Variants in CLSTN2 observed in about 807,000 individuals in gnomAD.
The protein encoded by CLSTN2 is calsyntenin 2.
Under a neutral mutation model 101.2 loss-of-function variants are expected in CLSTN2, and 48 were observed. The observed-to-expected ratio is 0.47, with a 90% confidence interval of 0.38 to 0.60. The LOEUF (loss-of-function observed/expected upper bound fraction) is 0.60, where lower values mean the gene tolerates loss of function less well. CLSTN2 is among the 20% of genes least tolerant of loss of function. The probability of loss-of-function intolerance (pLI) is 0.00; values close to 1 mark genes in which losing one functional copy is unlikely to be tolerated. For synonymous variants in CLSTN2, 481 were observed against 463.6 expected (o/e 1.04, Z -0.48); for missense variants, 1,160 against 1,238.2 (o/e 0.94, Z 0.95).
chr3:140,513,131 C>T (rs567365038), intron 8 of CLSTN2, among the ~76,000 whole-genome samples: 3 of 152,260 alleles, frequency 2.0e-5, no homozygotes, highest in African/African-American at 7.2e-5. Flanking sequence ...CTGGGCCAAA[C>T]TTCCAATACA....
intron 8 of CLSTN2, among the ~76,000 whole-genome samples, chr3:140,473,180 A>G (rs1933895433): frequency 6.6e-6 from 1 of 152,176 alleles, no homozygotes; most frequent in Non-Finnish European, 1.5e-5. Context: ...CCACTGCCTG[A>G]GCCATGCTCG....
intron 1 of CLSTN2, among the ~76,000 whole-genome samples, chr3:139,942,642 GC>G (rs1298224160): frequency 6.6e-6 from 1 of 152,100 alleles, no homozygotes; most frequent in East Asian, 1.9e-4. Context: ...CACTCTCACG[GC>G]AGGATTTTAT....
chr3:140,201,201 T>A (rs939522210), intron 2 of CLSTN2, among the ~76,000 whole-genome samples: 2 of 152,294 alleles, frequency 1.3e-5, no homozygotes, highest in African/African-American at 4.8e-5. Context: ...TGGTTTGGTG[T>A]CCGTTCAACT....
Position 140,377,022 on chromosome 3 carries a change from C to CACACAGAG in CLSTN2, c.233-26606_233-26605insCACAGAGA, listed in dbSNP as rs148236356. Among the ~76,000 whole-genome samples the CACACAGAG allele has an allele frequency of 1.1e-4, 17 of 148,832 alleles. 1 individual carries two copies. Among genetic ancestry groups the CACACAGAG allele is most frequent in the South Asian group, 8.6e-4 (4 of 4,628 alleles). On this transcript the variant is annotated intron_variant, in intron 2 of 16. Coordinates refer to ENST00000458420, the MANE Select transcript of CLSTN2 (RefSeq NM_022131.3). ...TTAGTGTGTTACACACACACATACACAGAGAGAGAGAGAGAGAGGATGTGT... is the reference window on the plus strand; with the variant it reads ...TTAGTGTGTTACACACACACATACACACACAGAGAGAGAGAGAGAGAGAGAGGATGTGT...
At chr3:140,505,493 G>T (rs1934669211) in intron 8 of CLSTN2, 1 of 152,194 alleles carries the variant, frequency 6.6e-6, no homozygotes. Flanking sequence ...GCAGTCCCCA[G>T]TGAGCTCTGA....
intron 8 of CLSTN2, 42 bp downstream of exon 8, chr3:140,466,773 C>T (rs1035739034): frequency 1.5e-5 from 24 of 1,611,326 alleles, no homozygotes; most frequent in East Asian, 6.7e-5. Context: ...CATGCCTCTG[C>T]GGGGGTGGCC....
intron 8 of CLSTN2, chr3:140,508,556 A>G (rs1043931213): frequency 2.6e-5 from 4 of 152,220 alleles, no homozygotes; most frequent in African/African-American, 9.6e-5. Flanking sequence ...CTTTGAAGAC[A>G]ATTCCTATTT....
chr3:140,229,432 G>C (rs2086352047), intron 2 of CLSTN2, among the ~76,000 whole-genome samples: 1 of 152,038 alleles, frequency 6.6e-6, no homozygotes, highest in African/African-American at 2.4e-5. Context: ...TGGGGTCTGA[G>C]ACGCCACATT....
intron 2 of CLSTN2, among the ~76,000 whole-genome samples, chr3:140,385,596 C>G (rs2088043038): frequency 6.6e-6 from 1 of 151,816 alleles, no homozygotes; most frequent in African/African-American, 2.4e-5. Context: ...CCAGGATGGT[C>G]TTGATCTCCT....
chr3:140,443,564 G>T (rs140816648), intron 5 of CLSTN2, among the ~76,000 whole-genome samples: 145 of 152,280 alleles, frequency 9.5e-4, no homozygotes, highest in African/African-American at 3.3e-3. Context: ...GGTAATTTAG[G>T]CCCAATTATT....
intron 2 of CLSTN2, among the ~76,000 whole-genome samples, chr3:140,391,225 T>C (rs772123791): frequency 4.6e-5 from 7 of 152,198 alleles, no homozygotes; most frequent in Non-Finnish European, 1.0e-4. Flanking sequence ...GCCTCCACGC[T>C]GTACCACGGG....
rs1196682719 is a variant in CLSTN2, at chr3:140,457,488, C to T, written c.974-2033C>T. On this transcript the variant is annotated intron_variant, in intron 6 of 16. Coordinates refer to ENST00000458420, the MANE Select transcript of CLSTN2 (RefSeq NM_022131.3). ...TTCCAAACCACTCACAAATCTCTCT[C>T]TGCTACCACCTTGATAGATGTCTTT... Among the ~76,000 whole-genome samples, 4 of 152,352 alleles carry T rather than the reference C, an allele frequency of 2.6e-5. No homozygotes were observed. In the South Asian group the frequency reaches 6.2e-4, roughly 24 times the overall value.
At chr3:139,999,437 A>G (rs977175590) in intron 1 of CLSTN2, among the ~76,000 whole-genome samples, 1 of 151,864 alleles carries the variant, frequency 6.6e-6, no homozygotes, top group Admixed American at 6.6e-5. Context: ...GGAATGGGGA[A>G]CTGATCCAGC....
chr3:140,546,087 G>A (rs549316310), intron 9 of CLSTN2, among the ~76,000 whole-genome samples: 1 of 152,298 alleles, frequency 6.6e-6, no homozygotes, highest in African/African-American at 2.4e-5. Flanking sequence ...CTACCTTAAT[G>A]TTTTTGAGTC....
chr3:140,368,655 C>A (rs1430770942), intron 2 of CLSTN2, among the ~76,000 whole-genome samples: 1 of 152,246 alleles, frequency 6.6e-6, no homozygotes, highest in Middle Eastern at 3.4e-3. Context: ...CTCTGACTAG[C>A]ACAGGTAGGG....
chr3:140,510,771 G>A (rs1161009418), intron 8 of CLSTN2, among the ~76,000 whole-genome samples: 1 of 152,206 alleles, frequency 6.6e-6, no homozygotes, highest in Non-Finnish European at 1.5e-5. Flanking sequence ...GGAAGATCTT[G>A]AATAGATTTG....
At chr3:140,359,928 T>A (rs572948512) in intron 2 of CLSTN2, among the ~76,000 whole-genome samples, 14 of 152,066 alleles carry the variant, frequency 9.2e-5, no homozygotes, top group African/African-American at 3.4e-4. Context: ...GATGTTGATA[T>A]AAATATATAC....
chr3:140,407,125 G>A (rs570371466), intron 4 of CLSTN2, among the ~76,000 whole-genome samples: 66 of 152,260 alleles, frequency 4.3e-4, no homozygotes, highest in African/African-American at 1.5e-3. Flanking sequence ...CAGGACCTAG[G>A]GGCAGACACA....
intron 6 of CLSTN2, among the ~76,000 whole-genome samples, chr3:140,452,980 G>A (rs980150057): frequency 2.6e-5 from 4 of 152,180 alleles, no homozygotes; most frequent in Non-Finnish European, 4.4e-5. Flanking sequence ...CCAGAGGTGC[G>A]TGTCACAGAA....
Sources: gnomAD v4.1 joint callset for allele counts (sites outside exome capture counted in the v4.1 genomes callset) on GRCh38, gnomAD v4.1.1 for gene constraint, MANE v1.5 for transcripts, NCBI Gene and HGNC (gene_info 2026-07-23, HGNC 2026-07-21) for gene names.